Variants in NBAS observed in about 807,000 individuals in gnomAD.
NBAS encodes the protein NBAS subunit of NRZ tethering complex, also known as NAG/BC035112 fusion.
NBAS carries 219 observed loss-of-function variants against 302.5 expected under a neutral mutation model. The observed-to-expected ratio is 0.72, with a 90% CI of 0.65 to 0.81. NBAS has a LOEUF of 0.81. Among genes scored for constraint, NBAS ranks in the 30% least tolerant of loss-of-function variants. NBAS has a pLI of 0.00. For missense variants in NBAS, 2,932 were observed against 2,841.6 expected (o/e 1.03, Z -0.72); for synonymous variants, 1,118 against 1,021.6 (o/e 1.09, Z -1.80).
At chr2:14,824,601 A>G in the NBAS span, among the ~76,000 whole-genome samples, 1 of 152,144 alleles carries the variant, frequency 6.6e-6, no homozygotes, top group Non-Finnish European at 1.5e-5. Context: ...TCTCAGGCCC[A>G]CTCCAGACCT....
chr2:14,994,140 A>C, the NBAS span, among the ~76,000 whole-genome samples: 1 of 152,210 alleles, frequency 6.6e-6, no homozygotes, highest in East Asian at 1.9e-4. Context: ...TTTTTCTTTT[A>C]CATTCCAGCA....
chr2:15,236,649 GTTTA>G (rs1558462450), intron 45 of NBAS, among the ~76,000 whole-genome samples: 1 of 148,636 alleles, frequency 6.7e-6, no homozygotes, highest in African/African-American at 2.5e-5. Flanking sequence ...TTTTAGATGT[GTTTA>G]TTTAAAAATA....
At chr2:14,884,913 G>A in the NBAS span, among the ~76,000 whole-genome samples, 1 of 152,304 alleles carries the variant, frequency 6.6e-6, no homozygotes, top group South Asian at 2.1e-4. Context: ...AGATGAATCA[G>A]TAAGTACAAA....
chr2:14,901,977 C>G, the NBAS span, among the ~76,000 whole-genome samples: 1 of 152,170 alleles, frequency 6.6e-6, no homozygotes, highest in African/African-American at 2.4e-5. Flanking sequence ...GCGATAACAG[C>G]CTCCCACCAG....
chr2:15,292,770 T>C lies in NBAS; in HGVS notation c.4798-4A>G, dbSNP rs1158244861. On this transcript the variant is annotated splice_region_variant and splice_polypyrimidine_tract_variant and intron_variant, in intron 40 of 51. Transcript: ENST00000281513. ...TGATTAGTTCTTTGGGATCAGCCTA[T>C]GAAAGACATGGAAAAGAAGACATTT... 1 of 1,613,740 alleles carries C rather than the reference T, an allele frequency of 6.2e-7. No homozygotes were observed. Among genetic ancestry groups the C allele is most frequent in the Non-Finnish European group, 8.5e-7 (1 of 1,179,802 alleles).
rs78696696 is a variant in NBAS, at chr2:15,473,967, C to A, written c.1599+100G>T. 4.8e-3 allele frequency: 6,771 copies of A among 1,396,288 alleles called. 132 individuals are homozygous for A. In the East Asian group the frequency reaches 0.05, roughly 10 times the overall value. The allele number at this position is 1,396,288 out of a possible 1,614,324, so 86.5% of individuals were successfully genotyped here. A position where few individuals can be genotyped will look rare whatever the true frequency, so the allele number is the denominator to read the frequency against. On this transcript the variant is annotated intron_variant, in intron 15 of 51. Coordinates refer to ENST00000281513, the MANE Select transcript of NBAS (RefSeq NM_015909.4). ...TTTTAACATGTCAATGATCCAACAT[C>A]CCTCTTGAAATTTTCTCCTTTATTA...
chr2:14,937,486 G>A, the NBAS span, among the ~76,000 whole-genome samples: 1 of 152,158 alleles, frequency 6.6e-6, no homozygotes, highest in Non-Finnish European at 1.5e-5. Context: ...AGTTTCACCT[G>A]CATGTGTCCT....
rs144697582 is a variant in NBAS at position 15,212,246 on chromosome 2, C to T, written c.6432+6527G>A. ...TGGCATCCCTCCAGCCAGACCTCTC[C>T]AGTCCACTGTTCATGCAGAGGCCAG... On this transcript the variant is annotated intron_variant, in intron 48 of 51. Transcript: ENST00000281513. 2.4e-3 allele frequency among the ~76,000 whole-genome samples: 366 copies of T among 152,302 alleles called. 1 individual carries two copies. The highest frequency in any genetic ancestry group is 4.4e-3 in the Non-Finnish European group (298 of 68,024).
the NBAS span, among the ~76,000 whole-genome samples, chr2:15,056,712 G>C: frequency 6.6e-6 from 1 of 152,174 alleles, no homozygotes; most frequent in Non-Finnish European, 1.5e-5. Flanking sequence ...GAGCAGGGTT[G>C]AGTGTAGGGT....
the NBAS span, among the ~76,000 whole-genome samples, chr2:15,053,736 A>G: frequency 6.6e-6 from 1 of 152,138 alleles, no homozygotes; most frequent in Non-Finnish European, 1.5e-5. Flanking sequence ...ATGTGGAGAA[A>G]GATTCAAGAA....
the NBAS span, among the ~76,000 whole-genome samples, chr2:14,988,175 A>C: frequency 6.6e-6 from 1 of 152,072 alleles, no homozygotes; most frequent in Non-Finnish European, 1.5e-5. Context: ...AAAACAGGGA[A>C]CTCTACCCCA....
the NBAS span, among the ~76,000 whole-genome samples, chr2:14,902,525 C>A: frequency 0.24 from 35,828 of 152,012 alleles, 4,366 homozygotes; most frequent in Non-Finnish European, 0.27. Flanking sequence ...GAGAGAAGCT[C>A]TGTATATGTA....
intron 28 of NBAS, among the ~76,000 whole-genome samples, chr2:15,387,835 T>C (rs907426339): frequency 5.3e-5 from 8 of 152,072 alleles, no homozygotes; most frequent in Non-Finnish European, 1.2e-4. Context: ...GGTTTTGCCA[T>C]GTTGCCTGGG....
the NBAS span, among the ~76,000 whole-genome samples, chr2:15,036,916 G>T: frequency 6.6e-6 from 1 of 152,118 alleles, no homozygotes; most frequent in African/African-American, 2.4e-5. Flanking sequence ...CTCCCTAGGG[G>T]ATACCCTGCA....
chr2:15,505,857 C>T (rs1248689247), intron 10 of NBAS, among the ~76,000 whole-genome samples: 1 of 151,808 alleles, frequency 6.6e-6, no homozygotes, highest in African/African-American at 2.4e-5. Flanking sequence ...TGAAAAATCA[C>T]CTTAAATCAA....
At chr2:15,281,146 G>C (rs955761580) in intron 42 of NBAS, among the ~76,000 whole-genome samples, 1 of 152,182 alleles carries the variant, frequency 6.6e-6, no homozygotes, top group Non-Finnish European at 1.5e-5. Flanking sequence ...TTTATGGAAT[G>C]TTTTATGACA....
At chr2:14,874,409 G>A in the NBAS span, among the ~76,000 whole-genome samples, 5 of 150,180 alleles carry the variant, frequency 3.3e-5, no homozygotes, top group Non-Finnish European at 5.9e-5. Flanking sequence ...GGCAGATCAC[G>A]AGGTCAGGAG....
chr2:15,118,384 G>A, the NBAS span, among the ~76,000 whole-genome samples: 2 of 152,200 alleles, frequency 1.3e-5, no homozygotes, highest in Admixed American at 1.3e-4. Context: ...TGAAGAATAA[G>A]GGAAGGTGGT....
At chr2:15,049,113 A>G in the NBAS span, among the ~76,000 whole-genome samples, 1 of 134,436 alleles carries the variant, frequency 7.4e-6, no homozygotes, top group Admixed American at 7.1e-5. Flanking sequence ...GCTGCCGCTG[A>G]GGCTTTTTCC....
Sources: allele counts gnomAD v4.1 joint callset (sites outside exome capture counted in the v4.1 genomes callset), GRCh38; gene constraint gnomAD v4.1.1; transcripts MANE v1.5; gene names NCBI Gene and HGNC (gene_info 2026-07-23, HGNC 2026-07-21).